The following TG variants were observed in gnomAD, a reference collection of about 807,000 sequenced individuals.
TG encodes thyroglobulin, also known as thyroid hormones.
In TG, 270 loss-of-function variants were observed where a neutral mutation model predicts 324.7. The observed-to-expected ratio is 0.83, with a 90% CI of 0.75 to 0.92. The LOEUF (loss-of-function observed/expected upper bound fraction) is 0.92, where lower values mean the gene tolerates loss of function less well. Among genes scored for constraint, TG ranks in the 40% least tolerant of loss-of-function variants. The probability of loss-of-function intolerance (pLI) is 0.00; values close to 1 mark genes in which losing one functional copy is unlikely to be tolerated. For synonymous variants in TG, 1,401 were observed against 1,327.0 expected, an observed-to-expected ratio of 1.06 and a Z score of -1.21; for missense variants, 3,591 against 3,456.4, an observed-to-expected ratio of 1.04 and a Z score of -0.98.
intron 41 of TG, among the ~76,000 whole-genome samples, chr8:133,072,448 GGATAGATA>G (rs1204912887): frequency 1.3e-5 from 2 of 151,974 alleles, no homozygotes; most frequent in African/African-American, 4.8e-5. Flanking sequence ...ATGGATAGAT[GGATAGATA>G]GATAGATGGA....
At chr8:133,027,974 C>A (rs1295941855) in intron 40 of TG, among the ~76,000 whole-genome samples, 1 of 152,236 alleles carries the variant, frequency 6.6e-6, no homozygotes, top group Non-Finnish European at 1.5e-5. Flanking sequence ...TTCTGCCTTA[C>A]CTAGCATAGT....
intron 41 of TG, chr8:133,090,157 T>C (rs898371386): frequency 2.0e-5 from 3 of 152,220 alleles, no homozygotes; most frequent in African/African-American, 4.8e-5. Flanking sequence ...GGTTGATAAC[T>C]CTCAGGTAAT....
chr8:132,896,664 C>A (rs1166128478), intron 11 of TG, among the ~76,000 whole-genome samples: 1 of 152,154 alleles, frequency 6.6e-6, no homozygotes, highest in Non-Finnish European at 1.5e-5. Context: ...TGTGTCCCAC[C>A]CGCTGCCCAC....
At chr8:133,061,497 C>T (rs76597957) in intron 41 of TG, among the ~76,000 whole-genome samples, 3,586 of 152,230 alleles carry the variant, frequency 0.024, 153 homozygotes, top group African/African-American at 0.08. Context: ...GACCTTCATA[C>T]AAATATTTTG....
intron 23 of TG, among the ~76,000 whole-genome samples, chr8:132,932,124 TG>T (rs369218847): frequency 1.2e-3 from 183 of 150,702 alleles, no homozygotes; most frequent in African/African-American, 4.1e-3. Context: ...ATTATTTTTT[TG>T]GGGGGGGTGT....
chr8:132,894,461 CTTT>C (rs879482195), intron 11 of TG, among the ~76,000 whole-genome samples: 1 of 142,500 alleles, frequency 7.0e-6, no homozygotes. Context: ...GAACAGTATG[CTTT>C]TTTTTTTTTT....
At chr8:133,027,695 T>C (rs10102363) in intron 40 of TG, among the ~76,000 whole-genome samples, 30,638 of 152,222 alleles carry the variant, frequency 0.2, 3,423 homozygotes, top group African/African-American at 0.28. Context: ...AAATTTTTAA[T>C]GCACATCATA....
intron 16 of TG, among the ~76,000 whole-genome samples, chr8:132,904,190 G>A (rs940600273): frequency 6.6e-6 from 1 of 152,208 alleles, no homozygotes; most frequent in Non-Finnish European, 1.5e-5. Flanking sequence ...GAGTTGTTGT[G>A]AAGATGGAGT....
chr8:133,060,298 G>T, intron 41 of TG: 1 of 1,575,230 alleles, frequency 6.3e-7, no homozygotes, highest in Non-Finnish European at 8.6e-7. Context: ...CATTTTTCTG[G>T]CAGCTTGCTT....
At chr8:132,949,054 GAA>G (rs34207784) in intron 27 of TG, 111 bp downstream of exon 27, 279,761 of 710,662 alleles carry the variant, frequency 0.39, 21,192 homozygotes, top group Admixed American at 0.47. Flanking sequence ...TTATACTTCT[GAA>G]AAAAAAAAAA....
At chr8:132,968,574 G>A (rs1290060056) in intron 31 of TG, among the ~76,000 whole-genome samples, 3 of 152,100 alleles carry the variant, frequency 2.0e-5, no homozygotes, top group East Asian at 1.9e-4. Context: ...TTCTCTGTTG[G>A]ATGTCTTTCT....
chr8:133,106,733 A>G (rs919103643), intron 43 of TG, among the ~76,000 whole-genome samples: 1 of 152,094 alleles, frequency 6.6e-6, no homozygotes, highest in Admixed American at 6.5e-5. Context: ...CTATGCACGA[A>G]TCTTGTTCCT....
intron 29 of TG, among the ~76,000 whole-genome samples, chr8:132,964,414 A>T (rs1321403621): frequency 6.6e-6 from 1 of 152,116 alleles, no homozygotes; most frequent in Admixed American, 6.5e-5. Context: ...TGGAGAAAAA[A>T]ATCACATTGA....
chr8:133,050,350 G>A (rs778305009), intron 41 of TG: 14 of 293,858 alleles, frequency 4.8e-5, no homozygotes, highest in Non-Finnish European at 7.8e-5. Flanking sequence ...ATCTGAATCA[G>A]TGAAGATCTA....
rs147656654 is a variant in TG at position 132,986,153 on chromosome 8, A to G, written c.6262+2741A>G. Among the ~76,000 whole-genome samples the G allele has an allele frequency of 2.5e-4, 38 of 152,238 alleles. 1 individual carries two copies. The highest frequency in any genetic ancestry group is 8.9e-4 in the African/African-American group (37 of 41,554). ...ATTCACACAAAGCAGAAATATAGAA[A>G]GAAAATCACAGTTATTTAGAAGTTA... On this transcript the variant is annotated intron_variant, in intron 35 of 47. Coordinates refer to ENST00000220616, the MANE Select transcript of TG (RefSeq NM_003235.5).
Position 132,871,463 on chromosome 8 carries a change from G to A in TG, c.390G>A (p.Gln130=). ...CQDSGDYAPV[Q]CDVQQVQCWC... ...ATTCAGGGGACTACGCGCCTGTTCA[G>A]TGTGATGTGCAGCAGGTCCAGTGCT... Residue 130 remains glutamine, a synonymous_variant, in exon 4 of 48, where the codon CAG becomes CAA. Transcript: ENST00000220616. The A allele has an allele frequency of 6.2e-7, 1 of 1,614,230 alleles. No individual in the cohort carries two copies. The highest frequency in any genetic ancestry group is 8.5e-7 in the Non-Finnish European group (1 of 1,180,048).
intron 45 of TG, among the ~76,000 whole-genome samples, chr8:133,118,018 G>A (rs761289742): frequency 5.3e-5 from 8 of 152,160 alleles, no homozygotes; most frequent in Non-Finnish European, 1.0e-4. Context: ...GCTTTACCCT[G>A]TGTTACTTAG....
At chr8:133,011,534 T>C (rs1457882464) in intron 35 of TG, among the ~76,000 whole-genome samples, 1 of 152,214 alleles carries the variant, frequency 6.6e-6, no homozygotes, top group Non-Finnish European at 1.5e-5. Flanking sequence ...ATATGTCTGT[T>C]AGTATCATTA....
chr8:132,987,159 G>A (rs1246961538), intron 35 of TG, among the ~76,000 whole-genome samples: 1 of 152,208 alleles, frequency 6.6e-6, no homozygotes, highest in East Asian at 1.9e-4. Flanking sequence ...AGATGTCACA[G>A]TGCTTGTAAG....
Sources: allele counts gnomAD v4.1 joint callset (sites outside exome capture counted in the v4.1 genomes callset), GRCh38; gene constraint gnomAD v4.1.1; transcripts MANE v1.5; gene names NCBI Gene and HGNC (gene_info 2026-07-23, HGNC 2026-07-21).